WWOX: variants seen among roughly 807,000 people sequenced by gnomAD.
WWOX encodes WW domain-containing oxidoreductase.
WWOX carries 69 observed loss-of-function variants against 46.2 expected under a neutral mutation model. The ratio of observed to expected loss-of-function variants is 1.49; its 90% CI spans 1.23 to 1.82. WWOX has a LOEUF of 1.82. Among genes scored for constraint, WWOX ranks in the 40% most tolerant of loss-of-function variants. WWOX has a pLI of 0.00. For missense variants in WWOX, 919 were observed against 542.6 expected (o/e 1.69, Z -6.89); for synonymous variants, 359 against 202.6 (o/e 1.77, Z -6.56).
At position 78,115,925 on chromosome 16, in the gene WWOX, C is replaced by T. The variant is rs888495335; in HGVS notation, c.409+771C>T. Among the ~76,000 whole-genome samples, 4 of 152,298 alleles carry T rather than the reference C, an allele frequency of 2.6e-5. No individual in the cohort carries two copies. In the East Asian group the frequency reaches 7.7e-4, roughly 29 times the overall value. On this transcript the variant is annotated intron_variant, in intron 4 of 8. Transcript: ENST00000566780. ...TGTCTTCTGTCAAGTTCTCTCTGTC[C>T]TTTTGGTCCCCCGCAGCCCTCACAC... is the stretch of plus-strand genomic sequence containing the variant.
At chr16:78,619,133 T>TTAAAAAAAAAAAAAAAAAA (rs2046105386) in intron 8 of WWOX, among the ~76,000 whole-genome samples, 2 of 4,094 alleles carry the variant, frequency 4.9e-4, no homozygotes, top group African/African-American at 1.2e-3. Context: ...CCATTTCTAC[T>TTAAAAAAAAAAAAAAAAAA]AAAAAAAAAA....
chr16:79,063,276 C>T (rs932112923), intron 8 of WWOX, among the ~76,000 whole-genome samples: 34 of 152,282 alleles, frequency 2.2e-4, no homozygotes, highest in African/African-American at 6.7e-4. Context: ...CCAGCCCAAG[C>T]CGCCTCTGCT....
At chr16:78,105,607 G>A (rs900375056) in intron 1 of WWOX, among the ~76,000 whole-genome samples, 8 of 152,254 alleles carry the variant, frequency 5.3e-5, no homozygotes, top group African/African-American at 1.7e-4. Context: ...AATAAAAACT[G>A]TTCTGAGTGA....
At chr16:78,313,680 C>G (rs562226681) in intron 5 of WWOX, among the ~76,000 whole-genome samples, 1 of 152,112 alleles carries the variant, frequency 6.6e-6, no homozygotes, top group African/African-American at 2.4e-5. Flanking sequence ...GTTTTTCCTA[C>G]GTACCGTGAT....
chr16:79,038,138 C>T (rs922854612), intron 8 of WWOX, among the ~76,000 whole-genome samples: 9 of 152,128 alleles, frequency 5.9e-5, no homozygotes, highest in Non-Finnish European at 7.4e-5. Flanking sequence ...TCTGTCCCCC[C>T]GTGAACCCCA....
intron 8 of WWOX, among the ~76,000 whole-genome samples, chr16:78,981,337 C>T (rs933489781): frequency 1.3e-4 from 20 of 152,090 alleles, no homozygotes; most frequent in Admixed American, 1.0e-3. Context: ...GGGGGGAAAA[C>T]GCCAGCAGAT....
rs547274293 is a variant in WWOX at position 78,950,971 on chromosome 16, G to A, written c.1057-260637G>A. ...TAAACATCCGGTTCTTTCCAGCCCC[G>A]CTCAACCGCCTCTCTTAATTCACCA... On this transcript the variant is annotated intron_variant, in intron 8 of 8. Transcript: ENST00000566780. 3.2e-4 allele frequency among the ~76,000 whole-genome samples: 48 copies of A among 152,248 alleles called. 1 individual carries two copies. The highest frequency in any genetic ancestry group is 4.6e-4 in the Admixed American group (7 of 15,294).
chr16:78,658,394 A>G (rs974397343), intron 8 of WWOX, among the ~76,000 whole-genome samples: 1 of 152,122 alleles, frequency 6.6e-6, no homozygotes, highest in African/African-American at 2.4e-5. Flanking sequence ...TTTAATCCTC[A>G]CAAGAATTCT....
chr16:78,936,912 G>A (rs889104801), intron 8 of WWOX, among the ~76,000 whole-genome samples: 2 of 152,138 alleles, frequency 1.3e-5, no homozygotes, highest in Non-Finnish European at 2.9e-5. Context: ...GCCAAGAGAA[G>A]CAAGGAGTTT....
At chr16:78,972,185 C>A (rs546039335) in intron 8 of WWOX, among the ~76,000 whole-genome samples, 66 of 152,240 alleles carry the variant, frequency 4.3e-4, no homozygotes, top group African/African-American at 1.6e-3. Flanking sequence ...AAACTGGGCT[C>A]CCTGGCCATC....
chr16:78,579,019 G>A (rs1466577717), intron 8 of WWOX, among the ~76,000 whole-genome samples: 3 of 152,094 alleles, frequency 2.0e-5, no homozygotes, highest in Admixed American at 2.0e-4. Context: ...TACATCTTAG[G>A]CATTTTTTTC....
intron 8 of WWOX, among the ~76,000 whole-genome samples, chr16:79,154,795 T>C (rs1490434334): frequency 6.6e-6 from 1 of 152,230 alleles, no homozygotes; most frequent in Non-Finnish European, 1.5e-5. Context: ...TAGGTCCTCA[T>C]GAACCTCTGA....
At chr16:78,560,777 G>C (rs368935969) in intron 8 of WWOX, among the ~76,000 whole-genome samples, 1 of 152,252 alleles carries the variant, frequency 6.6e-6, no homozygotes. Flanking sequence ...TTTATACTCT[G>C]AAGGCATGGT....
chr16:79,090,204 G>C (rs1445322535), intron 8 of WWOX: 1 of 151,964 alleles, frequency 6.6e-6, no homozygotes, highest in Non-Finnish European at 1.5e-5. Flanking sequence ...TTCTTGACTT[G>C]GTGGGTCTGA....
In WWOX at chr16:78,810,805, A is replaced by G. The variant is rs189764345; in HGVS notation, c.1056+378053A>G. Among the ~76,000 whole-genome samples, 48 of 152,142 alleles carry G rather than the reference A, an allele frequency of 3.2e-4. 1 individual carries two copies. The highest frequency in any genetic ancestry group is 2.2e-3 in the Admixed American group (34 of 15,282). ...GACAAATCATCTTATGCAGGGGGGA[A>G]AAAAAACTCCCTAAAAAAGACAAAT... is the stretch of plus-strand genomic sequence containing the variant. On this transcript the variant is annotated intron_variant, in intron 8 of 8. Transcript: ENST00000566780.
intron 8 of WWOX, among the ~76,000 whole-genome samples, chr16:78,767,317 G>T (rs1330677587): frequency 6.6e-6 from 1 of 151,602 alleles, no homozygotes; most frequent in Non-Finnish European, 1.5e-5. Context: ...TTTATTTTTA[G>T]TAGAGACAGA....
Position 79,211,766 on chromosome 16 carries a change from C to A in WWOX, c.1215C>A (p.Ile405=). 2 of 1,614,126 alleles carry A rather than the reference C, an allele frequency of 1.2e-6. No homozygotes were observed. Among genetic ancestry groups the A allele is most frequent in the Non-Finnish European group, 1.7e-6 (2 of 1,179,982 alleles). Residue 405 remains isoleucine, a synonymous_variant, in exon 9 of 9, where the codon ATC becomes ATA. Transcript: ENST00000566780. ...RTLWALSERL[I]QERLGSQSG ...TGTGGGCGCTCAGCGAGAGGCTGAT[C>A]CAAGAACGGCTTGGCAGCCAGTCCG...
At chr16:79,158,899 G>A (rs776651528) in intron 8 of WWOX, among the ~76,000 whole-genome samples, 2 of 152,292 alleles carry the variant, frequency 1.3e-5, no homozygotes, top group Non-Finnish European at 2.9e-5. Flanking sequence ...CACTGCTGTA[G>A]TCCCAGTTCC....
intron 8 of WWOX, among the ~76,000 whole-genome samples, chr16:79,090,535 G>C (rs193185242): frequency 3.8e-4 from 58 of 152,244 alleles, no homozygotes; most frequent in African/African-American, 1.4e-3. Context: ...TGCAAGCAAG[G>C]ATAAGTGCTG....
Sources: gnomAD v4.1 joint callset for allele counts (sites outside exome capture counted in the v4.1 genomes callset) on GRCh38, gnomAD v4.1.1 for gene constraint, MANE v1.5 for transcripts, NCBI Gene and HGNC (gene_info 2026-07-23, HGNC 2026-07-21) for gene names.